P4HTM: variants seen among roughly 807,000 people sequenced by gnomAD.
P4HTM encodes the protein transmembrane prolyl 4-hydroxylase.
A neutral mutation model predicts 55.3 loss-of-function variants in P4HTM; 33 were observed. The ratio of observed to expected loss-of-function variants is 0.60; its 90% CI spans 0.45 to 0.80. The LOEUF (loss-of-function observed/expected upper bound fraction) is 0.80. Among genes scored for constraint, P4HTM ranks in the 30% least tolerant of loss-of-function variants. The pLI, the probability that P4HTM is intolerant of heterozygous loss-of-function variation, is 0.00. For missense variants in P4HTM, 542 were observed against 696.5 expected (o/e 0.78, Z 2.50); for synonymous variants, 272 against 286.4 (o/e 0.95, Z 0.51).
Position 49,004,843 on chromosome 3 carries a change from A to G in P4HTM, c.888-18A>G, listed in dbSNP as rs1279928670. 6.3e-7 allele frequency: 1 copy of G among 1,592,910 alleles called. No individual in the cohort carries two copies. Among genetic ancestry groups the G allele is most frequent in the African/African-American group, 1.3e-5 (1 of 74,698 alleles). On this transcript the variant is annotated intron_variant, in intron 5 of 8. Coordinates refer to ENST00000383729, the MANE Select transcript of P4HTM (RefSeq NM_177939.3). ...ACCTTGCCTGGGGCTGCCCAGCCAA[A>G]TGCCTGCTGCCCACCAGGGTGCTGC...
Position 49,005,467 on chromosome 3 carries a change from G to A in P4HTM, c.1074-310G>A, listed in dbSNP as rs1260708883. ...TGGCCCAGCCCCTTCCCATCCCCAAGGAGCCCTTCAGCGCGCCCTGTTGCT... is the reference window on the plus strand; with the variant it reads ...TGGCCCAGCCCCTTCCCATCCCCAAAGAGCCCTTCAGCGCGCCCTGTTGCT... On this transcript the variant is annotated intron_variant, in intron 6 of 8. Coordinates refer to ENST00000383729, the MANE Select transcript of P4HTM (RefSeq NM_177939.3). The A allele has an allele frequency of 2.9e-6, 4 of 1,363,288 alleles. No individual in the cohort carries two copies. In the African/African-American group the frequency reaches 5.9e-5, roughly 20 times the overall value. 84.4% of individuals were successfully genotyped at this position (1,363,288 alleles called of 1,614,324 possible).
Position 49,001,598 on chromosome 3 carries a change from G to C in P4HTM, c.597G>C (p.Gln199His). ...SQLDLFRLLDQNRDGHLQLRE... is the reference protein window; with the variant it reads ...SQLDLFRLLDHNRDGHLQLRE... Reference sequence around the variant, plus strand: ...TGGACCTCTTCCGGCTGCTGGACCAGAACCGTGATGGGCACCTTCAGCTCC... The same window carrying C: ...TGGACCTCTTCCGGCTGCTGGACCACAACCGTGATGGGCACCTTCAGCTCC... The change falls in exon 3 of 9, where the codon CAG becomes CAC. Residue 199 changes from glutamine (Q) to histidine (H), a missense_variant. Physicochemically the swap from Gln to His is conservative, Grantham distance 24. Transcript: ENST00000383729. 6.2e-7 allele frequency: 1 copy of C among 1,612,706 alleles called. No individual in the cohort carries two copies. Among genetic ancestry groups the C allele is most frequent in the East Asian group, 2.2e-5 (1 of 44,864 alleles).
At position 49,005,434 on chromosome 3, in the gene P4HTM, G is replaced by A. The variant is rs1052017846; in HGVS notation, c.1074-343G>A. The stretch of plus-strand genomic sequence containing the variant: ...CAAGCCAGTTCTTTCCTCTTCAGGT[G>A]GCTGTTCTGGCCCAGCCCCTTCCCA... On this transcript the variant is annotated intron_variant, in intron 6 of 8. Transcript: ENST00000383729. 7.0e-5 allele frequency: 97 copies of A among 1,390,342 alleles called. No homozygotes were observed. In the African/African-American group the frequency reaches 1.3e-3, roughly 19 times the overall value. 86.1% of individuals were successfully genotyped at this position (1,390,342 alleles called of 1,614,324 possible).
chr3:48,990,731 C>G lies in P4HTM; in HGVS notation c.355-102C>G. 4 of 1,489,494 alleles carry G rather than the reference C, an allele frequency of 2.7e-6. No homozygotes were observed. The highest frequency in any genetic ancestry group is 3.6e-6 in the Non-Finnish European group (4 of 1,098,148). The allele number at this position is 1,489,494 out of a possible 1,614,324, so 92.3% of individuals were successfully genotyped here. On this transcript the variant is annotated intron_variant, in intron 1 of 8. Coordinates refer to ENST00000383729, the MANE Select transcript of P4HTM (RefSeq NM_177939.3). This position sits in a 1 kb window ranked among gnomAD's most constrained non-coding sequence, Gnocchi z 7.2. ...TGCTCTGCGTCGGTCCCGCGCGCTC[C>G]CACTCACTCGCCTGCTGTCGCTCTC...
chr3:48,994,868 C>G (rs1269178675), intron 2 of P4HTM, among the ~76,000 whole-genome samples: 5 of 152,218 alleles, frequency 3.3e-5, no homozygotes, highest in African/African-American at 7.2e-5. Flanking sequence ...GGTACCATCT[C>G]GGCTCACTGC....
At chr3:49,006,652 C>T (rs1423380423) in intron 8 of P4HTM, 35 bp from the exon 9 acceptor site, 1 of 1,591,344 alleles carries the variant, frequency 6.3e-7, no homozygotes. Context: ...TCTGGCCAGC[C>T]CAGCCTAGGA....
chr3:48,995,121 T>A (rs2092941900), intron 2 of P4HTM, among the ~76,000 whole-genome samples: 1 of 151,862 alleles, frequency 6.6e-6, no homozygotes, highest in Non-Finnish European at 1.5e-5. Flanking sequence ...CTCTTAAATG[T>A]CTCCAACATT....
At chr3:49,000,295 A>T (rs2092957440) in intron 2 of P4HTM, among the ~76,000 whole-genome samples, 1 of 152,184 alleles carries the variant, frequency 6.6e-6, no homozygotes, top group Non-Finnish European at 1.5e-5. Flanking sequence ...ATATGCTTAT[A>T]ATCCCAGCAC....
At chr3:48,992,405 AG>A (rs2092933366) in intron 2 of P4HTM, among the ~76,000 whole-genome samples, 1 of 151,996 alleles carries the variant, frequency 6.6e-6, no homozygotes, top group South Asian at 2.1e-4. Context: ...CAGGAATTTG[AG>A]GCCAGCCTGA....
rs2092980136 is a variant in P4HTM at position 49,006,187 on chromosome 3, G to A, written c.1288G>A (p.Gly430Ser). 6.2e-7 allele frequency: 1 copy of A among 1,611,658 alleles called. No homozygotes were observed. Among genetic ancestry groups the A allele is most frequent in the East Asian group, 2.2e-5 (1 of 44,844 alleles). The stretch of plus-strand genomic sequence containing the variant: ...GTACAACTACCTGCCTGATGGGCAA[G>A]GTGAGGGCCTATGGCCAGGCCTGGG... ...FWYNYLPDGQ[G>S]WVGDVDDYSL... The change falls in exon 8 of 9, where the codon GGT (glycine) becomes AGT (serine). Residue 430 changes from glycine (G) to serine (S), a missense_variant and splice_region_variant. By Grantham distance (56) the Gly-to-Ser change is moderately conservative. Transcript: ENST00000383729.
chr3:49,006,337 T>G, intron 8 of P4HTM, 150 bp downstream of exon 8: 1 of 786,270 alleles, frequency 1.3e-6, no homozygotes, highest in South Asian at 1.7e-5. Flanking sequence ...CTTAGTGACT[T>G]TAGCAGACTG....
intron 6 of P4HTM, 91 bp from the exon 7 acceptor site, chr3:49,005,686 A>C: frequency 6.7e-7 from 1 of 1,496,946 alleles, no homozygotes; most frequent in Non-Finnish European, 8.9e-7. Context: ...GTCCCTGGCA[A>C]CAGGAACCTG....
At chr3:49,006,269 G>A (rs1559892686) in intron 8 of P4HTM, 82 bp downstream of exon 8, 1 of 1,451,898 alleles carries the variant, frequency 6.9e-7, no homozygotes, top group Non-Finnish European at 9.4e-7. Context: ...ACAATGGAGG[G>A]CTGTTTCTGG....
intron 6 of P4HTM, chr3:49,005,316 G>T: frequency 5.6e-6 from 8 of 1,435,008 alleles, no homozygotes; most frequent in Non-Finnish European, 7.3e-6. Flanking sequence ...GAAGCAAGGG[G>T]CAAGGCTGGG....
chr3:49,004,647 T>A, intron 5 of P4HTM: 1 of 596,342 alleles, frequency 1.7e-6, no homozygotes, highest in Non-Finnish European at 3.0e-6. Flanking sequence ...CATTTCCACA[T>A]AGCAGGTGTC....
Position 48,990,302 on chromosome 3 carries a change from G to C in P4HTM, c.46G>C (p.Ala16Pro), listed in dbSNP as rs752823668. Residue 16 changes from alanine to proline, a missense_variant, in exon 1 of 9, where the codon GCC becomes CCC. Around this residue, in one of 2 missense-constraint regions of P4HTM, gnomAD observed 6 missense variants for 24.4 expected, o/e 0.25. Coordinates refer to ENST00000383729, the MANE Select transcript of P4HTM (RefSeq NM_177939.3). This position sits in a 1 kb window ranked among gnomAD's most constrained non-coding sequence, Gnocchi z 7.2. ...VTGQRPETAA[A>P]EEASRPQWAP... is the part of the protein sequence containing the mutation. ...AGGCCAGCGGCCTGAGACCGCGGCG[G>C]CCGAGGAGGCCTCGAGGCCGCAGTG... The C allele has an allele frequency of 1.5e-6, 2 of 1,345,454 alleles. No individual in the cohort carries two copies. The highest frequency in any genetic ancestry group is 8.1e-5 in the Admixed American group (2 of 24,844). The allele number at this position is 1,345,454 out of a possible 1,614,324, so 83.3% of individuals were successfully genotyped here. A position where few individuals can be genotyped will look rare whatever the true frequency, so the allele number is the denominator to read the frequency against.
chr3:49,002,637 C>T lies in P4HTM; in HGVS notation c.724+41C>T, dbSNP rs745435861. The T allele has an allele frequency of 2.8e-6, 4 of 1,454,270 alleles. No homozygotes were observed. In the South Asian group the frequency reaches 4.5e-5, roughly 17 times the overall value. 90.1% of individuals were successfully genotyped at this position (1,454,270 alleles called of 1,614,324 possible). ...TGCACAGTCCTATCCCCGTGAGCCT[C>T]CTGCCCACTCCCAGGTGCACAATTT... On this transcript the variant is annotated intron_variant, in intron 4 of 8. Transcript: ENST00000383729. The surrounding 1 kb of genome is among the most constrained non-coding windows in gnomAD (Gnocchi z 4.4).
chr3:48,996,119 C>T (rs917545475), intron 2 of P4HTM: 2 of 152,212 alleles, frequency 1.3e-5, no homozygotes, highest in Non-Finnish European at 2.9e-5. Flanking sequence ...AAAATCATGA[C>T]TGCTTTATCT....
intron 2 of P4HTM, 87 bp from the exon 3 acceptor site, chr3:49,001,351 A>G: frequency 8.1e-7 from 1 of 1,238,890 alleles, no homozygotes; most frequent in Non-Finnish European, 1.2e-6. Flanking sequence ...GACATGCAGT[A>G]CCCCAGGAAC....
Sources: gnomAD v4.1 joint callset for allele counts (sites outside exome capture counted in the v4.1 genomes callset) on GRCh38, gnomAD v4.1.1 for gene constraint, gnomAD v4.1.1 regional missense constraint, Gnocchi (gnomAD v3.1) non-coding constraint, MANE v1.5 for transcripts, NCBI Gene and HGNC (gene_info 2026-07-23, HGNC 2026-07-21) for gene names.